Variants in ZBED6 observed in about 807,000 individuals in gnomAD.
ZBED6 encodes zinc finger BED domain-containing protein 6.
A neutral mutation model predicts 58.4 loss-of-function variants in ZBED6; 40 were observed. The ratio of observed to expected loss-of-function variants is 0.68; its 90% CI spans 0.53 to 0.89. The LOEUF is 0.89. Among genes scored for constraint, ZBED6 ranks in the 40% least tolerant of loss-of-function variants. The pLI is 0.00. For synonymous variants in ZBED6, 439 were observed against 350.6 expected (o/e 1.25, Z -2.82); for missense variants, 1,057 against 1,003.9 (o/e 1.05, Z -0.71).
In ZBED6 at chr1:203,798,696, A is replaced by C. The variant is rs976453033; in HGVS notation, c.1174A>C (p.Met392Leu). ...TCCCGTTGCAGAGCAAGGCACTCTG[A>C]TGCGTGCGCAGGAGAGAGAAACAAC... Residue 392 changes from methionine to leucine, a missense_variant, in exon 1 of 17, where the codon ATG becomes CTG. Physicochemically the swap from Met to Leu is conservative, Grantham distance 15. Coordinates refer to ENST00000550078, the Ensembl canonical transcript of ZBED6. 16 of 1,536,004 alleles carry C rather than the reference A, an allele frequency of 1.0e-5. 1 individual carries two copies. Among genetic ancestry groups the C allele is most frequent in the Middle Eastern group, 3.3e-4 (2 of 6,012 alleles).
chr1:203,800,084 A>C, exon 1 of ZBED6: 1 of 1,536,092 alleles, frequency 6.5e-7, no homozygotes, highest in Non-Finnish European at 8.7e-7. Context: ...TTGCCCTTGG[A>C]AGCAAAAGCT....
At position 203,846,579 on chromosome 1, in the gene ZBED6, A is replaced by C. The variant is rs1687971696; in HGVS notation, c.*3742-605A>C. 2.6e-5 allele frequency among the ~76,000 whole-genome samples: 4 copies of C among 152,232 alleles called. No homozygotes were observed. In the South Asian group the frequency reaches 8.3e-4, roughly 31 times the overall value. On this transcript the variant is annotated intron_variant, in intron 11 of 16. Coordinates refer to ENST00000550078, the Ensembl canonical transcript of ZBED6. ...TAGCTAGTTTAATTATTGATCTGTT[A>C]GACTGTAAATTACATGTGGACAGAG... is the stretch of plus-strand genomic sequence containing the variant.
At chr1:203,845,901 GA>G (rs1687758960) in intron 11 of ZBED6, among the ~76,000 whole-genome samples, 3 of 152,074 alleles carry the variant, frequency 2.0e-5, no homozygotes, top group African/African-American at 7.2e-5. Context: ...GGTAGCAAGA[GA>G]AATGAGAACA....
At chr1:203,819,027 C>T (rs1465579218) in intron 3 of ZBED6, among the ~76,000 whole-genome samples, 2 of 150,324 alleles carry the variant, frequency 1.3e-5, no homozygotes, top group Non-Finnish European at 3.0e-5. Context: ...TGAGATCGCA[C>T]CACTGCACTC....
In ZBED6 at chr1:203,798,692, TCTGATGCGTG is replaced by T; in HGVS notation, c.1172_1181del (p.Leu391ArgfsTer17). 1 of 1,536,126 alleles carries T rather than the reference TCTGATGCGTG, an allele frequency of 6.5e-7. No individual in the cohort carries two copies. The highest frequency in any genetic ancestry group is 8.7e-7 in the Non-Finnish European group (1 of 1,146,912). The stretch of plus-strand genomic sequence containing the variant: ...CTATTCCCGTTGCAGAGCAAGGCAC[TCTGATGCGTG>T]CGCAGGAGAGAGAAACAACATGTTG... On this transcript the variant is annotated frameshift_variant, in exon 1 of 17. Coordinates refer to ENST00000550078, the Ensembl canonical transcript of ZBED6. LOFTEE classifies it high-confidence loss of function.
chr1:203,841,949 C>T (rs1686425945), intron 11 of ZBED6, among the ~76,000 whole-genome samples: 4 of 150,140 alleles, frequency 2.7e-5, no homozygotes, highest in Non-Finnish European at 5.9e-5. Context: ...AGACACTCCT[C>T]AGTTCCCAGA....
intron 1 of ZBED6, among the ~76,000 whole-genome samples, chr1:203,814,554 A>C (rs1675609791): frequency 6.6e-6 from 1 of 152,016 alleles, no homozygotes; most frequent in African/African-American, 2.4e-5. Context: ...CCTTTCCTCC[A>C]GTTTCCAATA....
At chr1:203,837,706 G>A (rs1471387865) in intron 9 of ZBED6, among the ~76,000 whole-genome samples, 1 of 152,016 alleles carries the variant, frequency 6.6e-6, no homozygotes, top group African/African-American at 2.4e-5. Flanking sequence ...TCGAACTCCT[G>A]GCCTTAAGTG....
chr1:203,837,448 GTC>G (rs1330575339), intron 9 of ZBED6, among the ~76,000 whole-genome samples: 1 of 149,064 alleles, frequency 6.7e-6, no homozygotes, highest in Non-Finnish European at 1.5e-5. Flanking sequence ...TCTTTCCCTT[GTC>G]TCTCTTTTTT....
Position 203,833,739 on chromosome 1 carries a change from G to A in ZBED6, c.*3511-52G>A, listed in dbSNP as rs371768703. 5.2e-6 allele frequency: 8 copies of A among 1,531,244 alleles called. No homozygotes were observed. In the African/African-American group the frequency reaches 8.4e-5, roughly 16 times the overall value. The allele number at this position is 1,531,244 out of a possible 1,614,324, so 94.9% of individuals were successfully genotyped here. A position where few individuals can be genotyped will look rare whatever the true frequency, so the allele number is the denominator to read the frequency against. ...TACTTTGTACCCATTAGTAGTTACT[G>A]AATACAGAAAAATTGACTAAGGATA... On this transcript the variant is annotated intron_variant, in intron 8 of 16. Coordinates refer to ENST00000550078, the Ensembl canonical transcript of ZBED6.
At chr1:203,796,048 A>G (rs1033959737) in exon 1 of ZBED6, 1 of 7,798 alleles carries the variant, frequency 1.3e-4, no homozygotes, top group Non-Finnish European at 2.7e-4. Context: ...CGTTCACCCC[A>G]CCCCCACGGC....
At chr1:203,799,835 T>C (rs1669975408) in exon 1 of ZBED6, 1 of 1,508,048 alleles carries the variant, frequency 6.6e-7, no homozygotes, top group Admixed American at 2.0e-5. Context: ...CTTTGTTAGA[T>C]CCTTGCTTTA....
rs534962124 is a variant in ZBED6 at position 203,840,605 on chromosome 1, A to ATTATTTATTTATTTAT, written c.*3741+250_*3741+265dup. ...TTCATCATAGCATTAATAGTAGGAAATTATTTATTTATTTATTTATTTATT... is the reference window on the plus strand; with the variant it reads ...TTCATCATAGCATTAATAGTAGGAAATTATTTATTTATTTATTTATTTATTTATTTATTTATTTATT... On this transcript the variant is annotated intron_variant, in intron 11 of 16. Coordinates refer to ENST00000550078, the Ensembl canonical transcript of ZBED6. 4.7e-3 allele frequency among the ~76,000 whole-genome samples: 691 copies of ATTATTTATTTATTTAT among 147,692 alleles called. 4 individuals carry two copies. The highest frequency in any genetic ancestry group is 0.011 in the African/African-American group (452 of 40,482).
exon 17 of ZBED6, chr1:203,853,255 C>G (rs4019813): frequency 1.3e-5 from 2 of 152,642 alleles, no homozygotes; most frequent in Non-Finnish European, 2.9e-5. Context: ...TTATTTCTAA[C>G]TCTCCCAACA....
intron 3 of ZBED6, among the ~76,000 whole-genome samples, chr1:203,819,560 G>GTTTT (rs1382273433): frequency 1.3e-5 from 1 of 77,008 alleles, no homozygotes; most frequent in African/African-American, 5.0e-5. Flanking sequence ...TTGAGACAGA[G>GTTTT]TTTTGCTCTT....
At position 203,849,860 on chromosome 1, in the gene ZBED6, A is replaced by C. The variant is rs765178445; in HGVS notation, c.*4472A>C. 14 of 1,614,118 alleles carry C rather than the reference A, an allele frequency of 8.7e-6. No individual in the cohort carries two copies. In the South Asian group the frequency reaches 1.5e-4, roughly 18 times the overall value. ...GAGATGTAGCCTCTTGCAATACCCA[A>C]GTGGCAGAGAAACCAGTGCTCACTG... On this transcript the variant is annotated 3_prime_UTR_variant, in exon 14 of 17. Transcript: ENST00000550078.
exon 1 of ZBED6, chr1:203,799,262 T>C: frequency 1.3e-6 from 1 of 757,986 alleles, no homozygotes; most frequent in South Asian, 1.5e-5. Context: ...GTTTTACCCA[T>C]GTGCCATGCT....
chr1:203,804,521 C>T (rs1474663616), intron 1 of ZBED6, among the ~76,000 whole-genome samples: 1 of 152,010 alleles, frequency 6.6e-6, no homozygotes, highest in Admixed American at 6.6e-5. Context: ...GGTACTCTGC[C>T]ATCATCTGAA....
intron 3 of ZBED6, among the ~76,000 whole-genome samples, chr1:203,827,440 G>T (rs757291887): frequency 1.7e-4 from 26 of 151,582 alleles, no homozygotes; most frequent in Non-Finnish European, 2.8e-4. Context: ...CAGCACTTTG[G>T]GAGGCTGAGG....
Sources: allele counts gnomAD v4.1 joint callset (sites outside exome capture counted in the v4.1 genomes callset), GRCh38; gene constraint gnomAD v4.1.1; transcripts MANE v1.5; gene names NCBI Gene and HGNC (gene_info 2026-07-23, HGNC 2026-07-21).